ABCG2: variants seen among roughly 807,000 people sequenced by gnomAD.
ABCG2 encodes broad substrate specificity ATP-binding cassette transporter ABCG2.
Under a neutral mutation model 73.5 loss-of-function variants are expected in ABCG2, and 80 were observed. That is an observed-to-expected ratio of 1.09 (90% CI 0.91 to 1.31). The LOEUF (loss-of-function observed/expected upper bound fraction) is 1.31. ABCG2 is among the 50% of genes most tolerant of loss of function. The pLI, the probability that ABCG2 is intolerant of heterozygous loss-of-function variation, is 0.00. For missense variants in ABCG2, 796 were observed against 786.2 expected (o/e 1.01, Z -0.15); for synonymous variants, 269 against 282.4 (o/e 0.95, Z 0.48).
Position 88,092,673 on chromosome 4 carries a change from A to C in ABCG2, c.1821-292T>G, listed in dbSNP as rs903998929. Among the ~76,000 whole-genome samples the C allele has an allele frequency of 3.3e-5, 5 of 152,224 alleles. No individual in the cohort carries two copies. The South Asian group carries it at 1.0e-3, about 31-fold the overall frequency. On this transcript the variant is annotated intron_variant, in intron 15 of 15. Transcript: ENST00000237612. Reference sequence around the variant, plus strand: ...AACTTGACCAGGTTTACAGAGTCATACTTTGAATCACCAAGTTTTTAGCCT... The same window carrying C: ...AACTTGACCAGGTTTACAGAGTCATCCTTTGAATCACCAAGTTTTTAGCCT...
chr4:88,147,025 G>GAAAGAAAGAAAGAAAGAAAGA (rs1218755241), intron 1 of ABCG2, among the ~76,000 whole-genome samples: 2 of 136,104 alleles, frequency 1.5e-5, no homozygotes, highest in Admixed American at 7.5e-5. Flanking sequence ...AGGAAAGAAA[G>GAAAGAAAGAAAGAAAGAAAGA]AAAGAAAGAA....
intron 1 of ABCG2, among the ~76,000 whole-genome samples, chr4:88,224,014 G>GA (rs1351676766): frequency 2.0e-5 from 3 of 152,080 alleles, no homozygotes; most frequent in Non-Finnish European, 4.4e-5. Context: ...TTTCTTTGAA[G>GA]AAATGTCTAT....
chr4:88,208,443 C>G (rs1229463266), intron 1 of ABCG2, among the ~76,000 whole-genome samples: 5 of 152,178 alleles, frequency 3.3e-5, no homozygotes, highest in Non-Finnish European at 7.3e-5. Flanking sequence ...TACTTTGGCC[C>G]AGGGAACTCT....
At position 88,101,231 on chromosome 4, in the gene ABCG2, T is replaced by C. The variant is rs762530602; in HGVS notation, c.1366A>G (p.Ile456Val). The change falls in exon 11 of 16, where the codon ATA becomes GTA. Residue 456 changes from isoleucine (I) to valine (V), a missense_variant and splice_region_variant. Coordinates refer to ENST00000237612, the MANE Select transcript of ABCG2 (RefSeq NM_004827.3). ...ELFVVEKKLF[I>V]HEYISGYYRV... ...TTCCCAGAACAAAGACCTACTCACA[T>C]GAAGAGCTTCTTCTCTACCACAAAG... 3.7e-6 allele frequency: 6 copies of C among 1,613,840 alleles called. No homozygotes were observed. Among genetic ancestry groups the C allele is most frequent in the Non-Finnish European group, 4.2e-6 (5 of 1,179,940 alleles).
At chr4:88,188,969 C>T (rs927458481) in intron 1 of ABCG2, among the ~76,000 whole-genome samples, 11 of 151,774 alleles carry the variant, frequency 7.2e-5, no homozygotes, top group Non-Finnish European at 1.0e-4. Flanking sequence ...GCCAAGATTG[C>T]GCCACTGGAC....
chr4:88,150,391 C>T (rs1315118285), intron 1 of ABCG2, among the ~76,000 whole-genome samples: 1 of 151,956 alleles, frequency 6.6e-6, no homozygotes, highest in African/African-American at 2.4e-5. Context: ...AAGTGCTGGT[C>T]GAAGGAACAG....
intron 1 of ABCG2, among the ~76,000 whole-genome samples, chr4:88,148,677 G>A (rs1726221185): frequency 6.6e-6 from 1 of 152,156 alleles, no homozygotes; most frequent in African/African-American, 2.4e-5. Context: ...GGGATCCTAT[G>A]CCAACTGTAC....
chr4:88,212,173 T>C (rs1461552802), intron 1 of ABCG2, among the ~76,000 whole-genome samples: 1 of 152,238 alleles, frequency 6.6e-6, no homozygotes, highest in African/African-American at 2.4e-5. Context: ...GATTAAAATT[T>C]CACTTTCTGA....
chr4:88,149,971 T>C (rs1305189987), intron 1 of ABCG2, among the ~76,000 whole-genome samples: 6 of 151,948 alleles, frequency 3.9e-5, no homozygotes, highest in Non-Finnish European at 8.8e-5. Context: ...TGAGGTTACA[T>C]ATGAAAAATA....
chr4:88,131,760 T>C (rs925019488), intron 4 of ABCG2, 43 bp downstream of exon 4: 2 of 1,447,376 alleles, frequency 1.4e-6, no homozygotes, highest in Non-Finnish European at 1.9e-6. Flanking sequence ...CTTACCCATA[T>C]AGAAACAGAG....
chr4:88,134,858 T>G (rs1452339864), intron 2 of ABCG2, among the ~76,000 whole-genome samples: 2 of 152,206 alleles, frequency 1.3e-5, no homozygotes, highest in Non-Finnish European at 2.9e-5. Flanking sequence ...GTATTTACTG[T>G]GTACATACAA....
chr4:88,134,042 C>A (rs3114017), intron 2 of ABCG2, among the ~76,000 whole-genome samples: 1 of 151,706 alleles, frequency 6.6e-6, no homozygotes, highest in African/African-American at 2.4e-5. Context: ...CAGGGTGGGG[C>A]CTGGCTTGTT....
At position 88,131,130 on chromosome 4, in the gene ABCG2, A is replaced by T; in HGVS notation, c.462T>A (p.Asn154Lys). The change falls in exon 5 of 16, where the codon AAT (asparagine) becomes AAA (lysine). Residue 154 changes from asparagine (N) to lysine (K), a missense_variant. Coordinates refer to ENST00000237612, the MANE Select transcript of ABCG2 (RefSeq NM_004827.3). ...AALRLATTMT[N>K]HEKNERINRV... ...TGTTAATCCGTTCGTTTTTTTCATG[A>T]TTCGTCATAGTTGTTGCAAGCCGAA... is the stretch of plus-strand genomic sequence containing the variant. The T allele has an allele frequency of 6.2e-7, 1 of 1,613,830 alleles. No individual in the cohort carries two copies. The highest frequency in any genetic ancestry group is 1.7e-4 in the Middle Eastern group (1 of 6,060).
At chr4:88,143,432 T>C (rs1394973824) in intron 1 of ABCG2, among the ~76,000 whole-genome samples, 6 of 152,174 alleles carry the variant, frequency 3.9e-5, no homozygotes, top group Non-Finnish European at 7.3e-5. Flanking sequence ...TGAATTTAAA[T>C]AGCTCACTGA....
chr4:88,195,821 T>C lies in ABCG2; in HGVS notation c.-20+35173A>G, dbSNP rs189384558. On this transcript the variant is annotated intron_variant, in intron 1 of 15. Transcript: ENST00000515655. ...CTGTCAGCACTTGGGTGGGGCCACA[T>C]GCACAGTGTGTTTACTGAAGTTGTA... is the stretch of plus-strand genomic sequence containing the variant. Among the ~76,000 whole-genome samples the C allele has an allele frequency of 1.5e-3, 233 of 152,308 alleles. 1 individual carries two copies. Among genetic ancestry groups the C allele is most frequent in the Non-Finnish European group, 2.7e-3 (185 of 68,020 alleles).
intron 13 of ABCG2, 66 bp from the exon 14 acceptor site, chr4:88,095,675 C>T (rs1721937916): frequency 7.7e-7 from 1 of 1,293,524 alleles, no homozygotes; most frequent in Non-Finnish European, 1.1e-6. Context: ...CTAGAGAATA[C>T]CCTCTTCAAG....
At chr4:88,121,160 T>A (rs1294292178) in intron 6 of ABCG2, among the ~76,000 whole-genome samples, 1 of 152,024 alleles carries the variant, frequency 6.6e-6, no homozygotes, top group African/African-American at 2.4e-5. Flanking sequence ...TAAGGATTCC[T>A]CATAAGCAAA....
intron 2 of ABCG2, among the ~76,000 whole-genome samples, chr4:88,137,119 A>G (rs1578216459): frequency 6.6e-6 from 1 of 152,272 alleles, no homozygotes; most frequent in East Asian, 1.9e-4. Context: ...ACCCACCTTG[A>G]AAGATCTCCC....
At chr4:88,092,505 A>C in intron 15 of ABCG2, 124 bp from the exon 16 acceptor site, 1 of 959,650 alleles carries the variant, frequency 1.0e-6, no homozygotes, top group Non-Finnish European at 1.5e-6. Flanking sequence ...ACCCCTTCAG[A>C]TATCATAGCT....
Sources: gnomAD v4.1 joint callset for allele counts (sites outside exome capture counted in the v4.1 genomes callset) on GRCh38, gnomAD v4.1.1 for gene constraint, MANE v1.5 for transcripts, NCBI Gene and HGNC (gene_info 2026-07-23, HGNC 2026-07-21) for gene names.